The following ARHGAP8 variants were observed in gnomAD, a reference collection of about 807,000 sequenced individuals.
ARHGAP8 encodes the protein rho GTPase-activating protein 8.
In ARHGAP8, 62 loss-of-function variants were observed where a neutral mutation model predicts 46.1. The observed-to-expected ratio is 1.34, with a 90% CI of 1.10 to 1.66. The LOEUF (loss-of-function observed/expected upper bound fraction) is 1.66, where lower values mean the gene tolerates loss of function less well. Among genes scored for constraint, ARHGAP8 ranks in the 40% most tolerant of loss-of-function variants. The pLI, the probability that ARHGAP8 is intolerant of heterozygous loss-of-function variation, is 0.00. For missense variants in ARHGAP8, 923 were observed against 568.4 expected (o/e 1.62, Z -6.34); for synonymous variants, 375 against 243.1 (o/e 1.54, Z -5.05).
At chr22:44,816,279 T>G (rs921982128) in intron 5 of ARHGAP8, among the ~76,000 whole-genome samples, 1 of 152,148 alleles carries the variant, frequency 6.6e-6, no homozygotes. Flanking sequence ...GAATGCCAGC[T>G]GGGACCTCGG....
rs536212848 is a variant in ARHGAP8 at position 44,791,149 on chromosome 22, C to T, written c.79+4543C>T. ...CCAGCAAAAAGAAAACTAATTGGAA[C>T]AAGAGGACCTGCCAGGGTTTAGCCT... On this transcript the variant is annotated intron_variant, in intron 2 of 11. Transcript: ENST00000356099. Among the ~76,000 whole-genome samples the T allele has an allele frequency of 2.6e-5, 4 of 151,116 alleles. No individual in the cohort carries two copies. In the South Asian group the frequency reaches 8.4e-4, roughly 32 times the overall value.
rs143017184 is a variant in ARHGAP8, at chr22:44,780,130, T to C, written c.-71-6327T>C. 4.5e-3 allele frequency among the ~76,000 whole-genome samples: 693 copies of C among 152,308 alleles called. 2 individuals carry two copies. Among genetic ancestry groups the C allele is most frequent in the African/African-American group, 0.016 (671 of 41,570 alleles). ...CCAGCCTGGTCCTGGGAGAAGATCATTGGTATACATTTAGTTTTTGAGTAG... is the reference window on the plus strand; with the variant it reads ...CCAGCCTGGTCCTGGGAGAAGATCACTGGTATACATTTAGTTTTTGAGTAG... On this transcript the variant is annotated intron_variant, in intron 1 of 11. Transcript: ENST00000356099.
At position 44,862,736 on chromosome 22, in the gene ARHGAP8, C is replaced by T; in HGVS notation, c.*141C>T. On this transcript the variant is annotated 3_prime_UTR_variant, in exon 12 of 12. Coordinates refer to ENST00000356099, the MANE Select transcript of ARHGAP8 (RefSeq NM_181335.3). The stretch of plus-strand genomic sequence containing the variant: ...CTAATGAAAACTCCATGCCTCTGGT[C>T]CTTGGACTCTTGTCCATGGTTCCTG... 9.9e-7 allele frequency: 1 copy of T among 1,009,292 alleles called. No individual in the cohort carries two copies. Among genetic ancestry groups the T allele is most frequent in the Non-Finnish European group, 1.4e-6 (1 of 723,814 alleles). 62.5% of individuals were successfully genotyped at this position (1,009,292 alleles called of 1,614,324 possible).
At position 44,777,782 on chromosome 22, in the gene ARHGAP8, G is replaced by A. The variant is rs554806667; in HGVS notation, c.-71-8675G>A. ...ACAATCTTGGCTCACTGCAACCTCC[G>A]CCTCCCGGGCTCAAGCGGTTCTCCT... On this transcript the variant is annotated intron_variant, in intron 1 of 11. Transcript: ENST00000356099. 3.0e-4 allele frequency among the ~76,000 whole-genome samples: 45 copies of A among 152,148 alleles called. 1 individual carries two copies. In the East Asian group the frequency reaches 5.4e-3, roughly 18 times the overall value.
At chr22:44,829,788 C>G (rs921727057) in intron 7 of ARHGAP8, among the ~76,000 whole-genome samples, 2 of 152,170 alleles carry the variant, frequency 1.3e-5, no homozygotes, top group Non-Finnish European at 2.9e-5. Context: ...TTGCCAAGTT[C>G]AAAAGCTTAC....
chr22:44,790,451 G>A (rs907267987), intron 2 of ARHGAP8, among the ~76,000 whole-genome samples: 1 of 151,998 alleles, frequency 6.6e-6, no homozygotes, highest in South Asian at 2.1e-4. Context: ...CAAGGAAGGC[G>A]GGTCACCTGA....
intron 7 of ARHGAP8, among the ~76,000 whole-genome samples, chr22:44,830,324 G>T (rs1212640305): frequency 1.3e-5 from 2 of 150,638 alleles, no homozygotes; most frequent in East Asian, 4.0e-4. Flanking sequence ...GCACCCGGCT[G>T]TTACTGTTTT....
intron 5 of ARHGAP8, 104 bp from the exon 6 acceptor site, chr22:44,822,267 A>G (rs1930205487): frequency 1.1e-6 from 1 of 912,730 alleles, no homozygotes; most frequent in Non-Finnish European, 1.7e-6. Flanking sequence ...TAATATGAAA[A>G]ATGCCTGCAT....
intron 7 of ARHGAP8, among the ~76,000 whole-genome samples, chr22:44,839,931 G>C (rs898786183): frequency 2.0e-5 from 3 of 152,338 alleles, no homozygotes; most frequent in South Asian, 4.1e-4. Context: ...TGTCCAGCTG[G>C]TGGCTGGCTA....
chr22:44,795,474 C>G (rs999371751), intron 2 of ARHGAP8, among the ~76,000 whole-genome samples: 43 of 152,224 alleles, frequency 2.8e-4, no homozygotes, highest in African/African-American at 9.4e-4. Flanking sequence ...CCCCACACCC[C>G]CCTCTACCCT....
chr22:44,837,334 C>T (rs1931355435), intron 7 of ARHGAP8, among the ~76,000 whole-genome samples: 1 of 152,224 alleles, frequency 6.6e-6, no homozygotes, highest in East Asian at 1.9e-4. Flanking sequence ...CCCCGATGCC[C>T]TCCAGTGGGT....
chr22:44,795,443 T>A (rs138783449), intron 2 of ARHGAP8, among the ~76,000 whole-genome samples: 150 of 152,160 alleles, frequency 9.9e-4, no homozygotes, highest in African/African-American at 3.4e-3. Flanking sequence ...AATTCATCAT[T>A]ACCTGCTTAT....
At chr22:44,810,717 G>T (rs2147096341) in intron 4 of ARHGAP8, among the ~76,000 whole-genome samples, 1 of 152,310 alleles carries the variant, frequency 6.6e-6, no homozygotes, top group African/African-American at 2.4e-5. Flanking sequence ...TTTGCTTCTG[G>T]TACGAGGTGT....
intron 8 of ARHGAP8, among the ~76,000 whole-genome samples, chr22:44,846,018 C>G (rs1043612730): frequency 1.3e-5 from 2 of 152,082 alleles, no homozygotes; most frequent in Admixed American, 6.5e-5. Context: ...AGTGCCCCCC[C>G]CCATCCCCAC....
chr22:44,806,002 C>T (rs1025778217), intron 3 of ARHGAP8, among the ~76,000 whole-genome samples: 1 of 152,206 alleles, frequency 6.6e-6, no homozygotes, highest in African/African-American at 2.4e-5. Flanking sequence ...GAGAGCCCAG[C>T]GCTGGGGCCA....
chr22:44,855,561 C>G (rs1009278209), intron 10 of ARHGAP8, among the ~76,000 whole-genome samples: 1 of 152,212 alleles, frequency 6.6e-6, no homozygotes, highest in Non-Finnish European at 1.5e-5. Context: ...GGAGAAGGCC[C>G]TAAAGATTTT....
At chr22:44,844,991 C>G (rs1040247326) in intron 7 of ARHGAP8, among the ~76,000 whole-genome samples, 14 of 152,298 alleles carry the variant, frequency 9.2e-5, no homozygotes, top group African/African-American at 3.4e-4. Context: ...CCTCAAAACC[C>G]AGCTCTGAAG....
intron 4 of ARHGAP8, chr22:44,809,172 C>G (rs772111975): frequency 6.4e-6 from 3 of 471,080 alleles, no homozygotes; most frequent in Non-Finnish European, 1.3e-5. Context: ...CTTTGCAGGC[C>G]TGTTGCTCTA....
intron 1 of ARHGAP8, among the ~76,000 whole-genome samples, chr22:44,762,697 C>T (rs895910833): frequency 1.3e-4 from 19 of 151,988 alleles, no homozygotes; most frequent in African/African-American, 4.6e-4. Flanking sequence ...GCGCCCACCA[C>T]CCCTCCTGGC....
Sources: allele counts gnomAD v4.1 joint callset (sites outside exome capture counted in the v4.1 genomes callset), GRCh38; gene constraint gnomAD v4.1.1; transcripts MANE v1.5; gene names NCBI Gene and HGNC (gene_info 2026-07-23, HGNC 2026-07-21).